The following STAG2 variants were observed in gnomAD, a reference collection of about 807,000 sequenced individuals.
STAG2 encodes STAG2 cohesin complex component.
In STAG2, 14 loss-of-function variants were observed where a neutral mutation model predicts 108.1. The ratio of observed to expected loss-of-function variants is 0.13; its 90% CI spans 0.09 to 0.20. STAG2 has a LOEUF of 0.20. Among genes scored for constraint, STAG2 ranks in the 10% least tolerant of loss-of-function variants. The pLI, the probability that STAG2 is intolerant of heterozygous loss-of-function variation, is 1.00. For synonymous variants in STAG2, 307 were observed against 302.7 expected (o/e 1.01, Z -0.15); for missense variants, 440 against 940.9 (o/e 0.47, Z 6.96).
intron 13 of STAG2, among the ~76,000 whole-genome samples, chrX:124,051,736 G>T (rs996879183): frequency 9.1e-6 from 1 of 110,235 alleles, no homozygotes; most frequent in African/African-American, 3.3e-5. Context: ...GACTACAGGC[G>T]CCCGCCACGA....
rs2055045207 is a variant in STAG2, at chrX:123,984,183, G to T, written c.-163+22327G>T. 3.7e-5 allele frequency among the ~76,000 whole-genome samples: 4 copies of T among 108,244 alleles called. No homozygotes were observed. In the South Asian group the frequency reaches 1.6e-3, roughly 43 times the overall value. The allele number at this position is 108,244 out of a possible 115,157, so 94.0% of individuals were successfully genotyped here. On this transcript the variant is annotated intron_variant, in intron 1 of 34. Coordinates refer to ENST00000371145, the MANE Select transcript of STAG2 (RefSeq NM_001042750.2). ...TAGTAGAGACGGGGTTCTCTATGTT[G>T]ATCAGGCTGGTCCCGAACTCCCAAC...
intron 34 of STAG2, among the ~76,000 whole-genome samples, chrX:124,095,763 T>A (rs1387682052): frequency 9.0e-6 from 1 of 111,122 alleles, no homozygotes; most frequent in Non-Finnish European, 1.9e-5. Flanking sequence ...AATGGCATGA[T>A]CAGAATTGTG....
chrX:124,047,108 T>A (rs1482883169), intron 8 of STAG2, among the ~76,000 whole-genome samples: 1 of 111,807 alleles, frequency 8.9e-6, no homozygotes, highest in Non-Finnish European at 1.9e-5. Flanking sequence ...TTCCCTGAGC[T>A]TCAATTTTGC....
At chrX:124,024,168 C>T (rs1442129600) in intron 3 of STAG2, among the ~76,000 whole-genome samples, 1 of 110,610 alleles carries the variant, frequency 9.0e-6, no homozygotes, top group Non-Finnish European at 1.9e-5. Context: ...ACCTCTAGTG[C>T]TTCACTCTTA....
intron 14 of STAG2, among the ~76,000 whole-genome samples, chrX:124,057,036 A>G (rs905338980): frequency 3.6e-5 from 4 of 110,266 alleles, no homozygotes; most frequent in Admixed American, 9.8e-5. Flanking sequence ...AGCTGGGACT[A>G]CAGGCTGTAT....
intron 1 of STAG2, among the ~76,000 whole-genome samples, chrX:124,018,483 T>C (rs369440309): frequency 1.1e-5 from 1 of 89,124 alleles, no homozygotes; most frequent in African/African-American, 4.2e-5. Context: ...GATGGATGGA[T>C]GGACAGACGG....
chrX:124,018,876 A>G (rs1273670342), intron 1 of STAG2, among the ~76,000 whole-genome samples: 1 of 110,221 alleles, frequency 9.1e-6, no homozygotes, highest in Non-Finnish European at 1.9e-5. Context: ...CTGTAGATTA[A>G]AGTTTACATT....
At chrX:124,014,424 G>A (rs780425830) in intron 1 of STAG2, among the ~76,000 whole-genome samples, 156 of 110,053 alleles carry the variant, frequency 1.4e-3, no homozygotes, top group African/African-American at 4.9e-3. Flanking sequence ...GCAGTGGCAC[G>A]ATCTCGGCTC....
intron 23 of STAG2, 86 bp from the exon 24 acceptor site, chrX:124,068,478 A>G: frequency 1.8e-6 from 1 of 544,636 alleles, no homozygotes; most frequent in Non-Finnish European, 2.8e-6. Flanking sequence ...CTATGAGATA[A>G]TGTTTTACAT....
At chrX:123,985,266 T>C (rs1458908940) in intron 1 of STAG2, among the ~76,000 whole-genome samples, 1 of 111,170 alleles carries the variant, frequency 9.0e-6, no homozygotes, top group Non-Finnish European at 1.9e-5. Flanking sequence ...GTCTCACTTT[T>C]TCACCCAGGC....
intron 1 of STAG2, among the ~76,000 whole-genome samples, chrX:123,969,771 G>A (rs2054265229): frequency 1.8e-5 from 2 of 108,502 alleles, no homozygotes; most frequent in Admixed American, 1.0e-4. Context: ...TCAGCCTCCC[G>A]AGTAGCTGGG....
At position 124,066,277 on chromosome X, in the gene STAG2, G is replaced by A. The variant is rs780063186; in HGVS notation, c.2184+15G>A. On this transcript the variant is annotated intron_variant, in intron 22 of 34. Transcript: ENST00000371145. ...TGCCTGAGCAGGTTTTTATTTATTTGCTAGTTACACATTTATCTTTGAAAA... is the reference window on the plus strand; with the variant it reads ...TGCCTGAGCAGGTTTTTATTTATTTACTAGTTACACATTTATCTTTGAAAA... The A allele has an allele frequency of 8.5e-7, 1 of 1,179,630 alleles. No homozygotes were observed. The highest frequency in any genetic ancestry group is 1.1e-6 in the Non-Finnish European group (1 of 877,661).
At chrX:124,039,607 G>A (rs745514932) in intron 6 of STAG2, among the ~76,000 whole-genome samples, 1 of 99,990 alleles carries the variant, frequency 1.0e-5, no homozygotes, top group Non-Finnish European at 2.0e-5. Flanking sequence ...TTGTTTGTTT[G>A]TTTGTCTGTT....
chrX:124,056,472 G>T (rs1011525701), intron 14 of STAG2, among the ~76,000 whole-genome samples: 3 of 110,526 alleles, frequency 2.7e-5, no homozygotes, highest in Non-Finnish European at 5.7e-5. Flanking sequence ...AGTGGCTCAT[G>T]CCTGTAATCT....
chrX:124,079,362 A>G (rs996667313), intron 27 of STAG2, among the ~76,000 whole-genome samples: 4 of 111,545 alleles, frequency 3.6e-5, no homozygotes, highest in African/African-American at 1.3e-4. Context: ...GATGGTCTCA[A>G]TCTCCTGACC....
intron 25 of STAG2, among the ~76,000 whole-genome samples, chrX:124,071,773 G>A (rs1343556622): frequency 9.0e-6 from 1 of 110,666 alleles, no homozygotes; most frequent in East Asian, 2.8e-4. Flanking sequence ...TTTAATTTGG[G>A]GAGTATTAAT....
intron 25 of STAG2, among the ~76,000 whole-genome samples, chrX:124,073,998 C>T (rs755353598): frequency 8.9e-6 from 1 of 112,503 alleles, no homozygotes; most frequent in Non-Finnish European, 1.9e-5. Flanking sequence ...GAATTTGTAT[C>T]TGTTAATAAT....
intron 1 of STAG2, among the ~76,000 whole-genome samples, chrX:123,990,314 C>T (rs757516991): frequency 2.7e-5 from 3 of 111,712 alleles, no homozygotes; most frequent in East Asian, 2.8e-4. Flanking sequence ...TACAAAGTTA[C>T]GCTCCTATGC....
At chrX:124,065,968 C>T in intron 21 of STAG2, 22 bp downstream of exon 21, 1 of 1,129,861 alleles carries the variant, frequency 8.9e-7, no homozygotes, top group Non-Finnish European at 1.2e-6. Flanking sequence ...TTTGAAGTTC[C>T]TGTTTTCTTA....
Sources: gnomAD v4.1 joint callset for allele counts (sites outside exome capture counted in the v4.1 genomes callset) on GRCh38, gnomAD v4.1.1 for gene constraint, MANE v1.5 for transcripts, NCBI Gene and HGNC (gene_info 2026-07-23, HGNC 2026-07-21) for gene names.